PLEKHA2: variants seen among roughly 807,000 people sequenced by gnomAD.
PLEKHA2 encodes the protein pleckstrin homology domain-containing family A member 2.
Under a neutral mutation model 53.2 loss-of-function variants are expected in PLEKHA2, and 28 were observed. The ratio of observed to expected loss-of-function variants is 0.53; its 90% CI spans 0.39 to 0.72. PLEKHA2 has a LOEUF of 0.72. Ranked by LOEUF, PLEKHA2 falls within the 30% of genes least tolerant of loss-of-function variation. The pLI is 0.00. For synonymous variants in PLEKHA2, 193 were observed against 196.4 expected (o/e 0.98, Z 0.14); for missense variants, 426 against 537.9 (o/e 0.79, Z 2.06).
chr8:38,957,302 T>G (rs1396801432), intron 9 of PLEKHA2, 21 bp from the exon 10 acceptor site: 7 of 1,597,428 alleles, frequency 4.4e-6, no homozygotes, highest in Non-Finnish European at 6.0e-6. Context: ...GCCATAACAT[T>G]CTTTCTCTTT....
chr8:38,918,010 G>C lies in PLEKHA2; in HGVS notation c.81G>C (p.Arg27=). The C allele has an allele frequency of 1.2e-6, 2 of 1,613,602 alleles. No homozygotes were observed. The highest frequency in any genetic ancestry group is 1.7e-6 in the Non-Finnish European group (2 of 1,179,684). Residue 27 remains arginine (R), a synonymous_variant, in exon 2 of 12, where the codon CGG becomes CGC. Transcript: ENST00000617275. ...ATGAGAACAGCGGCAAGTTTCTGCG[G>C]AGGTACTTCATTCTGGACACCCAGG... ...EEHENSGKFL[R]RYFILDTQAN...
At chr8:38,953,226 T>G (rs1834879427) in intron 8 of PLEKHA2, 71 bp from the exon 9 acceptor site, 1 of 1,226,510 alleles carries the variant, frequency 8.2e-7, no homozygotes, top group African/African-American at 1.5e-5. Context: ...AAAGGGGTAT[T>G]GGTCAGCTGG....
intron 5 of PLEKHA2, among the ~76,000 whole-genome samples, chr8:38,950,330 G>C (rs1834804964): frequency 6.6e-6 from 1 of 152,114 alleles, no homozygotes; most frequent in African/African-American, 2.4e-5. Context: ...CCCCGGACCT[G>C]GCCCCCATCT....
At chr8:38,944,749 G>A (rs1190925069) in intron 4 of PLEKHA2, among the ~76,000 whole-genome samples, 1 of 152,190 alleles carries the variant, frequency 6.6e-6, no homozygotes, top group Admixed American at 6.5e-5. Context: ...AATTGAACAT[G>A]AGATTTGGGT....
intron 5 of PLEKHA2, among the ~76,000 whole-genome samples, chr8:38,948,454 C>G (rs1200228591): frequency 1.3e-5 from 2 of 152,104 alleles, no homozygotes; most frequent in African/African-American, 4.8e-5. Flanking sequence ...AATGGTGGCC[C>G]AGAGAAACTG....
intron 2 of PLEKHA2, among the ~76,000 whole-genome samples, chr8:38,930,673 G>GCACGGCATGA (rs939797334): frequency 2.0e-5 from 3 of 152,206 alleles, no homozygotes; most frequent in African/African-American, 7.2e-5. Flanking sequence ...GCACGGCATG[G>GCACGGCATGA]CACGGCATGA....
At position 38,957,365 on chromosome 8, in the gene PLEKHA2, C is replaced by T; in HGVS notation, c.816C>T (p.Ser272=). Residue 272 remains serine (S), a synonymous_variant, in exon 10 of 12, where the codon AGC becomes AGT. Transcript: ENST00000617275. The part of the protein sequence containing the change: ...MRDNLFEIIT[S]SRTFYVQADS... ...ACAACCTGTTTGAAATAATAACAAG[C>T]TCCAGGACCTTCTACGTACAGGTAA... 6.2e-7 allele frequency: 1 copy of T among 1,613,202 alleles called. No individual in the cohort carries two copies. The highest frequency in any genetic ancestry group is 8.5e-7 in the Non-Finnish European group (1 of 1,179,216).
intron 2 of PLEKHA2, among the ~76,000 whole-genome samples, chr8:38,934,312 G>T (rs1013375401): frequency 3.3e-5 from 5 of 152,046 alleles, no homozygotes; most frequent in Admixed American, 3.3e-4. Flanking sequence ...ACTTCTTAAG[G>T]CTATCTCCTG....
intron 3 of PLEKHA2, among the ~76,000 whole-genome samples, chr8:38,940,231 C>T (rs897277685): frequency 6.6e-6 from 1 of 152,012 alleles, no homozygotes; most frequent in East Asian, 1.9e-4. Flanking sequence ...AACCCCATCT[C>T]TACTAAAAAT....
chr8:38,918,519 C>CTAT (rs1834110700), intron 2 of PLEKHA2, among the ~76,000 whole-genome samples: 1 of 92,506 alleles, frequency 1.1e-5, no homozygotes, highest in South Asian at 3.9e-4. Context: ...ACACACCATA[C>CTAT]ACACATGCAC....
Position 38,922,545 on chromosome 8 carries a change from G to A in PLEKHA2, c.141+4475G>A, listed in dbSNP as rs567804233. On this transcript the variant is annotated intron_variant, in intron 2 of 11. Coordinates refer to ENST00000617275, the MANE Select transcript of PLEKHA2 (RefSeq NM_021623.2). This position sits in a 1 kb window ranked among gnomAD's most constrained non-coding sequence, Gnocchi z 4.0. ...GAGGCATTGAGAACTGTGTGTGGTC[G>A]TTGAACATCTTTATTTGATAGGGAC... Among the ~76,000 whole-genome samples the A allele has an allele frequency of 2.0e-4, 31 of 152,306 alleles. 1 individual carries two copies. The South Asian group carries it at 5.4e-3, about 26-fold the overall frequency.
chr8:38,938,904 T>TTC (rs1554557976), intron 3 of PLEKHA2, among the ~76,000 whole-genome samples: 1 of 151,220 alleles, frequency 6.6e-6, no homozygotes, highest in African/African-American at 2.4e-5. Flanking sequence ...CTTTTTCTTT[T>TTC]TTTTTTTTTT....
At chr8:38,943,649 G>A (rs1012518972) in intron 3 of PLEKHA2, 140 bp from the exon 4 acceptor site, 1 of 648,814 alleles carries the variant, frequency 1.5e-6, no homozygotes. Flanking sequence ...GATGAGTACA[G>A]GGTTTTCATT....
chr8:38,942,663 G>A (rs1239955914), intron 3 of PLEKHA2, among the ~76,000 whole-genome samples: 1 of 152,186 alleles, frequency 6.6e-6, no homozygotes, highest in Non-Finnish European at 1.5e-5. Context: ...CTCACTCCAG[G>A]GAGGCTCAGC....
chr8:38,966,481 T>C (rs4404880), intron 10 of PLEKHA2, among the ~76,000 whole-genome samples: 107,351 of 152,060 alleles, frequency 0.71, 38,153 homozygotes, highest in East Asian at 0.8. Context: ...CTGGTCCCAT[T>C]GCTGTGTCTG....
intron 2 of PLEKHA2, among the ~76,000 whole-genome samples, chr8:38,925,937 G>A (rs1834279734): frequency 6.6e-6 from 1 of 152,214 alleles, no homozygotes; most frequent in African/African-American, 2.4e-5. Flanking sequence ...AGGAAATAAT[G>A]TTCTTTAAAA....
intron 6 of PLEKHA2, 149 bp downstream of exon 6, chr8:38,951,139 T>G (rs6984245): frequency 0.86 from 583,818 of 676,882 alleles, 253,489 homozygotes; most frequent in African/African-American, 0.96. Flanking sequence ...AAAGTACAGG[T>G]CATGTTACAT....
intron 2 of PLEKHA2, among the ~76,000 whole-genome samples, chr8:38,925,405 T>G (rs1488908104): frequency 6.6e-6 from 1 of 152,190 alleles, no homozygotes; most frequent in African/African-American, 2.4e-5. Flanking sequence ...CAAGACCAAA[T>G]TATATGGCCC....
intron 7 of PLEKHA2, 145 bp downstream of exon 7, chr8:38,952,457 C>A: frequency 7.2e-7 from 1 of 1,380,656 alleles, no homozygotes; most frequent in Non-Finnish European, 9.8e-7. Flanking sequence ...GATTTTGGGA[C>A]TGACCTTTGG....
Sources: gnomAD v4.1 joint callset for allele counts (sites outside exome capture counted in the v4.1 genomes callset) on GRCh38, gnomAD v4.1.1 for gene constraint, Gnocchi (gnomAD v3.1) non-coding constraint, MANE v1.5 for transcripts, NCBI Gene and HGNC (gene_info 2026-07-23, HGNC 2026-07-21) for gene names.